ITPR1: variants seen among roughly 807,000 people sequenced by gnomAD.
The protein encoded by ITPR1 is inositol 1,4,5-trisphosphate receptor type 1.
In ITPR1, 96 loss-of-function variants were observed where a neutral mutation model predicts 318.4. The ratio of observed to expected loss-of-function variants is 0.30; its 90% CI spans 0.26 to 0.36. ITPR1 has a LOEUF of 0.36. ITPR1 is among the 10% of genes least tolerant of loss of function. The pLI is 1.00. For missense variants in ITPR1, 2,440 were observed against 3,460.2 expected (o/e 0.71, Z 7.40); for synonymous variants, 1,312 against 1,289.9 (o/e 1.02, Z -0.37).
At chr3:4,754,001 A>AT (rs1250045945) in intron 44 of ITPR1, among the ~76,000 whole-genome samples, 2 of 145,092 alleles carry the variant, frequency 1.4e-5, no homozygotes, top group Admixed American at 6.9e-5. Flanking sequence ...AAGATGCAGG[A>AT]TAGAGATCGC....
At chr3:4,577,443 G>C (rs2088806788) in intron 4 of ITPR1, among the ~76,000 whole-genome samples, 1 of 152,212 alleles carries the variant, frequency 6.6e-6, no homozygotes, top group African/African-American at 2.4e-5. Context: ...TGCTGACGTT[G>C]CTAGCAGGCG....
intron 53 of ITPR1, 104 bp downstream of exon 53, chr3:4,795,291 C>G: frequency 2.0e-6 from 2 of 988,904 alleles, no homozygotes; most frequent in South Asian, 2.6e-5. Flanking sequence ...TACTGGGGAT[C>G]CCAGTTATCC....
At chr3:4,774,894 C>T (rs1374095392) in intron 46 of ITPR1, among the ~76,000 whole-genome samples, 6 of 152,184 alleles carry the variant, frequency 3.9e-5, no homozygotes, top group Non-Finnish European at 7.3e-5. Context: ...ATGTCAGATG[C>T]CTCTGAACTC....
intron 4 of ITPR1, among the ~76,000 whole-genome samples, chr3:4,530,462 A>G (rs144688441): frequency 6.6e-6 from 1 of 152,188 alleles, no homozygotes; most frequent in Non-Finnish European, 1.5e-5. Context: ...ATCTTGCTCC[A>G]AACTACCTGA....
intron 44 of ITPR1, among the ~76,000 whole-genome samples, chr3:4,740,877 T>G (rs566127638): frequency 4.5e-4 from 69 of 152,334 alleles, no homozygotes; most frequent in African/African-American, 1.3e-3. Context: ...CTTCCGGCTT[T>G]CTTTCTCCCC....
chr3:4,496,037 A>G (rs2080535607), intron 2 of ITPR1, among the ~76,000 whole-genome samples: 1 of 152,202 alleles, frequency 6.6e-6, no homozygotes, highest in African/African-American at 2.4e-5. Flanking sequence ...TTCATTTTGG[A>G]AAGCCTGAAT....
At chr3:4,609,419 G>T (rs1210340714) in intron 4 of ITPR1, among the ~76,000 whole-genome samples, 1 of 152,040 alleles carries the variant, frequency 6.6e-6, no homozygotes, top group Non-Finnish European at 1.5e-5. Context: ...GTATATACAC[G>T]ACGTTTTTGA....
intron 4 of ITPR1, among the ~76,000 whole-genome samples, chr3:4,564,504 G>A (rs1440502617): frequency 1.3e-5 from 2 of 152,168 alleles, no homozygotes; most frequent in African/African-American, 2.4e-5. Context: ...ATTACCAAAT[G>A]AGTCACGTTC....
chr3:4,562,227 G>A (rs1173375921), intron 4 of ITPR1, among the ~76,000 whole-genome samples: 1 of 152,172 alleles, frequency 6.6e-6, no homozygotes, highest in Non-Finnish European at 1.5e-5. Flanking sequence ...CTGGAATTTA[G>A]ATACAGCTCA....
intron 53 of ITPR1, among the ~76,000 whole-genome samples, chr3:4,798,081 G>C (rs1176914932): frequency 6.6e-6 from 1 of 152,134 alleles, no homozygotes; most frequent in Non-Finnish European, 1.5e-5. Context: ...CAGGATTTGG[G>C]ACATACATTG....
At chr3:4,722,202 A>G (rs1015880844) in intron 40 of ITPR1, among the ~76,000 whole-genome samples, 5 of 152,206 alleles carry the variant, frequency 3.3e-5, no homozygotes, top group East Asian at 1.9e-4. Flanking sequence ...CACCTCGCCT[A>G]AAAACACTGG....
intron 26 of ITPR1, among the ~76,000 whole-genome samples, chr3:4,682,814 A>C (rs1457107131): frequency 6.6e-6 from 1 of 152,206 alleles, no homozygotes; most frequent in Non-Finnish European, 1.5e-5. Flanking sequence ...CTCTAAACCC[A>C]ATATAGGTGC....
intron 36 of ITPR1, among the ~76,000 whole-genome samples, chr3:4,705,877 A>G (rs1384802681): frequency 6.6e-6 from 1 of 152,212 alleles, no homozygotes; most frequent in Non-Finnish European, 1.5e-5. Context: ...CTAAGAAGCC[A>G]TTCATTGAGG....
chr3:4,809,253 C>T lies in ITPR1; in HGVS notation c.7273-2012C>T, dbSNP rs962754774. On this transcript the variant is annotated intron_variant, in intron 55 of 61. Coordinates refer to ENST00000649015, the MANE Select transcript of ITPR1 (RefSeq NM_001378452.1). ...CTCAAATACTCCATTTCCAAAAATT[C>T]GCCGAAAAGGAATAACTAGACGAGC... 4.6e-5 allele frequency among the ~76,000 whole-genome samples: 7 copies of T among 152,182 alleles called. No homozygotes were observed. In the East Asian group the frequency reaches 1.3e-3, roughly 29 times the overall value.
intron 60 of ITPR1, among the ~76,000 whole-genome samples, chr3:4,822,548 A>G (rs2049798773): frequency 6.6e-6 from 1 of 152,156 alleles, no homozygotes. Context: ...CCATGTCTTT[A>G]GTGGTTTCCT....
intron 12 of ITPR1, among the ~76,000 whole-genome samples, chr3:4,656,216 G>A (rs1414665010): frequency 6.6e-6 from 1 of 152,192 alleles, no homozygotes; most frequent in Non-Finnish European, 1.5e-5. Context: ...CTGCCTCTCA[G>A]TCACTTTTCC....
At chr3:4,548,601 C>T (rs1297332993) in intron 4 of ITPR1, among the ~76,000 whole-genome samples, 1 of 152,086 alleles carries the variant, frequency 6.6e-6, no homozygotes. Flanking sequence ...GGAGTTGTGC[C>T]AGTGACCCTT....
chr3:4,693,416 C>T lies in ITPR1; in HGVS notation c.4030-74C>T, dbSNP rs565852699. On this transcript the variant is annotated intron_variant, in intron 32 of 61. Coordinates refer to ENST00000649015, the MANE Select transcript of ITPR1 (RefSeq NM_001378452.1). ...ATGCTAACAGAACCTCTCTCTTCCTCTGTGAATAGATTTTTTTCATGCTGC... is the reference window on the plus strand; with the variant it reads ...ATGCTAACAGAACCTCTCTCTTCCTTTGTGAATAGATTTTTTTCATGCTGC... The T allele has an allele frequency of 5.3e-6, 8 of 1,519,848 alleles. No individual in the cohort carries two copies. In the African/African-American group the frequency reaches 6.8e-5, roughly 13 times the overall value. The allele number at this position is 1,519,848 out of a possible 1,614,324, so 94.1% of individuals were successfully genotyped here.
chr3:4,760,429 A>C (rs751144372), intron 44 of ITPR1, among the ~76,000 whole-genome samples: 37 of 152,228 alleles, frequency 2.4e-4, no homozygotes, highest in African/African-American at 8.2e-4. Context: ...TTTAATTATT[A>C]TTATTGTGAT....
Sources: allele counts gnomAD v4.1 joint callset (sites outside exome capture counted in the v4.1 genomes callset), GRCh38; gene constraint gnomAD v4.1.1; transcripts MANE v1.5; gene names NCBI Gene and HGNC (gene_info 2026-07-23, HGNC 2026-07-21).